NEDD9: variants seen among roughly 807,000 people sequenced by gnomAD.
NEDD9 encodes the protein enhancer of filamentation 1.
NEDD9 carries 26 observed loss-of-function variants against 76.6 expected under a neutral mutation model. That is an observed-to-expected ratio of 0.34 (90% CI 0.25 to 0.47). The LOEUF is 0.47. Ranked by LOEUF, NEDD9 falls within the 20% of genes least tolerant of loss-of-function variation. NEDD9 has a pLI of 1.00. For missense variants in NEDD9, 937 were observed against 1,058.5 expected (o/e 0.89, Z 1.59); for synonymous variants, 392 against 414.2 (o/e 0.95, Z 0.65).
Position 11,238,189 on chromosome 6 carries a change from G to A in NEDD9, c.13-24462C>T, listed in dbSNP as rs146806193. 6.6e-4 allele frequency among the ~76,000 whole-genome samples: 100 copies of A among 152,204 alleles called. 1 individual carries two copies. In the East Asian group the frequency reaches 8.7e-3, roughly 13 times the overall value. On this transcript the variant is annotated intron_variant, in intron 3 of 3. Coordinates refer to the NEDD9 transcript ENST00000397378. ...GGAGTCCATTTAATATTCATCTCAC[G>A]TAACAGCCCTGTGAGGTAGCTTGTA... is the stretch of plus-strand genomic sequence containing the variant.
intron 2 of NEDD9, among the ~76,000 whole-genome samples, chr6:11,329,660 G>A (rs1330041561): frequency 1.3e-5 from 2 of 152,120 alleles, no homozygotes; most frequent in Admixed American, 6.6e-5. Flanking sequence ...GCTTGCAGAT[G>A]TCCTCCCTGA....
chr6:11,373,088 A>G (rs552946542), intron 1 of NEDD9, among the ~76,000 whole-genome samples: 1 of 152,160 alleles, frequency 6.6e-6, no homozygotes, highest in African/African-American at 2.4e-5. Context: ...TGTCTTCCCA[A>G]ATCAATTCTT....
chr6:11,369,611 G>C (rs1284681409), intron 1 of NEDD9, among the ~76,000 whole-genome samples: 1 of 152,148 alleles, frequency 6.6e-6, no homozygotes, highest in Admixed American at 6.5e-5. Context: ...AATGTCTACT[G>C]CAGAAAGTGA....
At chr6:11,379,011 G>T (rs1030816043) in intron 1 of NEDD9, among the ~76,000 whole-genome samples, 1 of 152,178 alleles carries the variant, frequency 6.6e-6, no homozygotes, top group African/African-American at 2.4e-5. Context: ...AGCCACTGTG[G>T]GCAAAGTGAA....
At chr6:11,356,594 G>A in intron 1 of NEDD9, among the ~76,000 whole-genome samples, 1 of 152,080 alleles carries the variant, frequency 6.6e-6, no homozygotes, top group East Asian at 1.9e-4. Context: ...CAGTAAGGCT[G>A]GGCGGGGCTG....
chr6:11,243,445 T>G (rs1028058604), intron 3 of NEDD9, among the ~76,000 whole-genome samples: 1 of 152,222 alleles, frequency 6.6e-6, no homozygotes, highest in African/African-American at 2.4e-5. Context: ...CACCTACCTG[T>G]TGGTGGGCCT....
At chr6:11,303,816 A>G (rs990686627) in intron 3 of NEDD9, among the ~76,000 whole-genome samples, 1 of 152,174 alleles carries the variant, frequency 6.6e-6, no homozygotes, top group African/African-American at 2.4e-5. Context: ...AACTAGAAGC[A>G]TTAAATACTT....
intron 3 of NEDD9, among the ~76,000 whole-genome samples, chr6:11,257,212 G>A (rs1414904581): frequency 1.3e-5 from 2 of 152,228 alleles, no homozygotes; most frequent in African/African-American, 4.8e-5. Context: ...TGCTGTTGGA[G>A]AGTATCCTGT....
intron 3 of NEDD9, among the ~76,000 whole-genome samples, chr6:11,193,364 AG>A (rs139170448): frequency 0.17 from 25,344 of 152,166 alleles, 2,326 homozygotes; most frequent in Non-Finnish European, 0.2. Context: ...AAATTGTAGA[AG>A]AACATAAGCT....
At chr6:11,228,016 G>A (rs931484545) in intron 1 of NEDD9, among the ~76,000 whole-genome samples, 10 of 150,670 alleles carry the variant, frequency 6.6e-5, no homozygotes, top group African/African-American at 2.2e-4. Context: ...CTAAGGAGAA[G>A]GAAAAATGAG....
In NEDD9 at chr6:11,309,319, C is replaced by T. The variant is rs118150685; in HGVS notation, c.-152-3164G>A. On this transcript the variant is annotated intron_variant, in intron 2 of 3. Coordinates refer to the NEDD9 transcript ENST00000397378. ...CCATCCTATTAATAATGTTCACAGA[C>T]AATTGTGTTGTTTCCAGTACTAGCC... is the stretch of plus-strand genomic sequence containing the variant. Among the ~76,000 whole-genome samples the T allele has an allele frequency of 4.0e-3, 614 of 152,294 alleles. 5 individuals are homozygous for T. The East Asian group carries it at 0.052, about 13-fold the overall frequency.
chr6:11,331,909 C>T (rs1430896009), intron 2 of NEDD9, among the ~76,000 whole-genome samples: 2 of 152,186 alleles, frequency 1.3e-5, no homozygotes, highest in Non-Finnish European at 2.9e-5. Context: ...ATACAGAGGG[C>T]TGGAGGGGAG....
chr6:11,325,286 C>G (rs1379910480), intron 2 of NEDD9, among the ~76,000 whole-genome samples: 3 of 150,328 alleles, frequency 2.0e-5, no homozygotes, highest in Admixed American at 6.6e-5. Flanking sequence ...ACCCAGGAGG[C>G]AGAGGTTGCA....
intron 3 of NEDD9, chr6:11,305,379 T>C: frequency 3.5e-6 from 1 of 285,998 alleles, no homozygotes; most frequent in South Asian, 3.2e-5. Context: ...AAAATTCAGA[T>C]CTTTGTGACC....
intron 1 of NEDD9, among the ~76,000 whole-genome samples, chr6:11,376,649 T>C (rs970604470): frequency 1.3e-5 from 2 of 152,252 alleles, no homozygotes; most frequent in African/African-American, 4.8e-5. Context: ...TGACTTAACA[T>C]TGAAATTTAT....
chr6:11,368,404 AC>A (rs1394450127), intron 1 of NEDD9, among the ~76,000 whole-genome samples: 4 of 152,218 alleles, frequency 2.6e-5, no homozygotes, highest in Non-Finnish European at 4.4e-5. Context: ...TGAATGAGTC[AC>A]ACCGAAGTAA....
At chr6:11,200,820 C>G (rs1374025111) in intron 2 of NEDD9, 9 of 1,484,416 alleles carry the variant, frequency 6.1e-6, no homozygotes, top group African/African-American at 1.4e-5. Context: ...TTACGGTTAT[C>G]ACCAGAGCAG....
At chr6:11,381,725 A>G (rs1763065837) in intron 1 of NEDD9, among the ~76,000 whole-genome samples, 1 of 152,210 alleles carries the variant, frequency 6.6e-6, no homozygotes, top group South Asian at 2.1e-4. Flanking sequence ...AGAGGCTGAA[A>G]AGGACGTAAA....
chr6:11,377,073 C>T (rs1033858072), intron 1 of NEDD9, among the ~76,000 whole-genome samples: 2 of 152,274 alleles, frequency 1.3e-5, no homozygotes, highest in Non-Finnish European at 2.9e-5. Context: ...GGCTTGGTGG[C>T]TTCCACCTAG....
Sources: gnomAD v4.1 joint callset for allele counts (sites outside exome capture counted in the v4.1 genomes callset) on GRCh38, gnomAD v4.1.1 for gene constraint, MANE v1.5 for transcripts, NCBI Gene and HGNC (gene_info 2026-07-23, HGNC 2026-07-21) for gene names.